SGCE: variants seen among roughly 807,000 people sequenced by gnomAD.
SGCE encodes epsilon-sarcoglycan.
In SGCE, 26 loss-of-function variants were observed where a neutral mutation model predicts 57.8. That is an observed-to-expected ratio of 0.45 (90% CI 0.33 to 0.62). The LOEUF is 0.62. Ranked by LOEUF, SGCE falls within the 20% of genes least tolerant of loss-of-function variation. The pLI is 0.02. For synonymous variants in SGCE, 183 were observed against 189.5 expected (o/e 0.97, Z 0.28); for missense variants, 468 against 548.6 (o/e 0.85, Z 1.47).
At chr7:94,635,829 G>T (rs1452599349) in intron 1 of SGCE, among the ~76,000 whole-genome samples, 1 of 152,052 alleles carries the variant, frequency 6.6e-6, no homozygotes, top group African/African-American at 2.4e-5. Flanking sequence ...ATGAATCTTG[G>T]CTTTGAATCA....
At position 94,656,090 on chromosome 7, in the gene SGCE, C is replaced by A. The variant is rs751698983; in HGVS notation, c.9G>T (p.Leu3Phe). Reference protein sequence around the residue: MQLPRWWELGDPC... With the variant: MQFPRWWELGDPC... ...GGTCTCCCAGCTCCCACCACCGGGGCAATTGCATTCTTGGCCTGGCTAGGC... is the reference window on the plus strand; with the variant it reads ...GGTCTCCCAGCTCCCACCACCGGGGAAATTGCATTCTTGGCCTGGCTAGGC... Residue 3 changes from leucine (L) to phenylalanine (F), a missense_variant, in exon 1 of 11, where the codon TTG becomes TTT. Transcript: ENST00000648936. 1 of 1,605,264 alleles carries A rather than the reference C, an allele frequency of 6.2e-7. No homozygotes were observed. Among genetic ancestry groups the A allele is most frequent in the Non-Finnish European group, 8.5e-7 (1 of 1,172,040 alleles).
Position 94,599,687 on chromosome 7 carries a change from A to C in SGCE, c.1064+10T>G, listed in dbSNP as rs759859418. ...ATGATGAAGAAAATAACAGGAAAGA[A>C]GACACTTACTCTGGTGTTTGCATGT... On this transcript the variant is annotated intron_variant, in intron 8 of 10. Transcript: ENST00000648936. 8 of 1,609,466 alleles carry C rather than the reference A, an allele frequency of 5.0e-6. No individual in the cohort carries two copies. The highest frequency in any genetic ancestry group is 1.3e-5 in the African/African-American group (1 of 74,972).
At chr7:94,640,661 T>C (rs937474775) in intron 1 of SGCE, among the ~76,000 whole-genome samples, 2 of 152,160 alleles carry the variant, frequency 1.3e-5, no homozygotes, top group Non-Finnish European at 2.9e-5. Context: ...TGTTTTTGTT[T>C]TTTTGAGATG....
chr7:94,642,451 C>T (rs1213860480), intron 1 of SGCE, among the ~76,000 whole-genome samples: 1 of 152,084 alleles, frequency 6.6e-6, no homozygotes, highest in Non-Finnish European at 1.5e-5. Context: ...ACGTAGGCAG[C>T]TCCCCCAAAA....
At chr7:94,585,832 A>G (rs1404951535) in intron 10 of SGCE, among the ~76,000 whole-genome samples, 1 of 152,106 alleles carries the variant, frequency 6.6e-6, no homozygotes, top group East Asian at 1.9e-4. Context: ...GTACCTTTTA[A>G]TCGTGGCTTT....
intron 1 of SGCE, among the ~76,000 whole-genome samples, chr7:94,639,652 C>T (rs1313501504): frequency 6.6e-6 from 1 of 152,140 alleles, no homozygotes; most frequent in African/African-American, 2.4e-5. Flanking sequence ...GTTCCTGCCC[C>T]TGAAGGAGCT....
At chr7:94,599,897 A>G in intron 7 of SGCE, 174 bp from the exon 8 acceptor site, 2 of 568,100 alleles carry the variant, frequency 3.5e-6, no homozygotes, top group Non-Finnish European at 6.3e-6. Flanking sequence ...GTACACATAC[A>G]GCGATGGAAT....
At chr7:94,599,256 T>C (rs1028020004) in intron 8 of SGCE, 2 of 310,440 alleles carry the variant, frequency 6.4e-6, no homozygotes, top group Non-Finnish European at 1.2e-5. Context: ...CTATTTATTT[T>C]CTATGATTTA....
rs13245233 is a variant in SGCE, at chr7:94,647,686, G to A, written c.109+8304C>T. 3.0e-3 allele frequency among the ~76,000 whole-genome samples: 456 copies of A among 152,124 alleles called. 2 individuals carry two copies. The highest frequency in any genetic ancestry group is 0.01 in the African/African-American group (431 of 41,516). ...GTGCTTACCCTTTTACTGCTCCAAC[G>A]CCACTGGACTTCTTTTAGCACTTTC... On this transcript the variant is annotated intron_variant, in intron 1 of 10. Transcript: ENST00000648936.
In SGCE at chr7:94,599,433, T is replaced by A. The variant is rs1028344570; in HGVS notation, c.1064+264A>T. 37 of 455,618 alleles carry A rather than the reference T, an allele frequency of 8.1e-5. 1 individual carries two copies. The Admixed American group carries it at 1.2e-3, about 15-fold the overall frequency. The allele number at this position is 455,618 out of a possible 1,614,324, so 28.2% of individuals were successfully genotyped here. ...ATAGAAATGCAGATTGGAAATCACA[T>A]AATATAAATGGTAAGTTAATATTCT... On this transcript the variant is annotated intron_variant, in intron 8 of 10. Coordinates refer to ENST00000648936, the MANE Select transcript of SGCE (RefSeq NM_003919.3).
At chr7:94,636,931 G>T (rs531751136) in intron 1 of SGCE, among the ~76,000 whole-genome samples, 2 of 152,058 alleles carry the variant, frequency 1.3e-5, no homozygotes, top group South Asian at 4.2e-4. Context: ...AGGGCGTGGT[G>T]GTGGGTGCCT....
intron 9 of SGCE, among the ~76,000 whole-genome samples, chr7:94,590,212 A>T (rs867622743): frequency 6.6e-6 from 1 of 152,156 alleles, no homozygotes; most frequent in African/African-American, 2.4e-5. Flanking sequence ...GCATACAGGT[A>T]TTACTCTTAT....
At chr7:94,642,361 T>C (rs1032577478) in intron 1 of SGCE, among the ~76,000 whole-genome samples, 2 of 152,152 alleles carry the variant, frequency 1.3e-5, no homozygotes, top group Non-Finnish European at 2.9e-5. Context: ...GCTAATAGTC[T>C]CTTGTGGCAA....
chr7:94,635,010 T>C (rs575572414), intron 1 of SGCE, among the ~76,000 whole-genome samples: 126 of 152,322 alleles, frequency 8.3e-4, no homozygotes, highest in African/African-American at 2.7e-3. Context: ...GATTAAATGA[T>C]ATGTTGCCCT....
In SGCE at chr7:94,603,352, C is replaced by T. The variant is rs759032005; in HGVS notation, c.763G>A (p.Val255Ile). 1.8e-5 allele frequency: 29 copies of T among 1,612,572 alleles called. No individual in the cohort carries two copies. The highest frequency in any genetic ancestry group is 2.3e-5 in the Non-Finnish European group (27 of 1,179,016). The change falls in exon 6 of 11, where the codon GTA (valine) becomes ATA (isoleucine). Residue 255 changes from valine to isoleucine, a missense_variant. Coordinates refer to ENST00000648936, the MANE Select transcript of SGCE (RefSeq NM_003919.3). ...CGAAATTTTTTATCACATGTTATTA[C>T]AGGCTCCATTTCTTGACTACATCTC... ...QLRCSQEMEP[V>I]ITCDKKFRTQ...
At chr7:94,644,731 C>A in intron 1 of SGCE, 1 of 716,276 alleles carries the variant, frequency 1.4e-6, no homozygotes, top group Non-Finnish European at 2.1e-6. Context: ...GTCCGGCATC[C>A]CTTCCCTTCT....
At chr7:94,597,493 C>T (rs1213739382) in intron 9 of SGCE, 3 of 151,980 alleles carry the variant, frequency 2.0e-5, no homozygotes, top group East Asian at 1.9e-4. Context: ...GCAGAGTTCC[C>T]AGGTAAATGT....
chr7:94,593,630 C>T lies in SGCE; in HGVS notation c.1254-4898G>A, dbSNP rs1797992078. On this transcript the variant is annotated intron_variant, in intron 9 of 10. Transcript: ENST00000648936. The stretch of plus-strand genomic sequence containing the variant: ...GTTCCAGGCACTGTTTTCTGATTAG[C>T]TCTCATCTCTCAACCTCTCCACACC... 6.6e-5 allele frequency among the ~76,000 whole-genome samples: 10 copies of T among 152,038 alleles called. 1 individual carries two copies. In the South Asian group the frequency reaches 2.1e-3, roughly 32 times the overall value.
chr7:94,623,194 A>G, intron 4 of SGCE, 131 bp downstream of exon 4: 2 of 588,942 alleles, frequency 3.4e-6, no homozygotes, highest in East Asian at 2.9e-5. Flanking sequence ...TTTCTTTTCT[A>G]TATCTTATTA....
Sources: allele counts gnomAD v4.1 joint callset (sites outside exome capture counted in the v4.1 genomes callset), GRCh38; gene constraint gnomAD v4.1.1; transcripts MANE v1.5; gene names NCBI Gene and HGNC (gene_info 2026-07-23, HGNC 2026-07-21).